Variants in TAS2R1 observed in about 807,000 individuals in gnomAD.
TAS2R1 encodes taste receptor type 2 member 1.
For synonymous variants in TAS2R1, 141 were observed against 134.2 expected (o/e 1.05, Z -0.35); for missense variants, 370 against 353.4 (o/e 1.05, Z -0.38).
At chr5:9,851,985 G>A in the TAS2R1 span, among the ~76,000 whole-genome samples, 1 of 152,100 alleles carries the variant, frequency 6.6e-6, no homozygotes, top group Non-Finnish European at 1.5e-5. Flanking sequence ...ATGGCTCAGA[G>A]ACATTGAAAA....
chr5:9,680,257 G>T (rs894215387), intron 1 of TAS2R1, among the ~76,000 whole-genome samples: 1 of 152,166 alleles, frequency 6.6e-6, no homozygotes, highest in Non-Finnish European at 1.5e-5. Context: ...TAAGTGATTA[G>T]TAATTACATA....
At chr5:9,642,852 T>C (rs1290704589) in intron 2 of TAS2R1, among the ~76,000 whole-genome samples, 12 of 152,210 alleles carry the variant, frequency 7.9e-5, no homozygotes, top group Admixed American at 7.2e-4. Context: ...AGTTGAATCA[T>C]GGGAATAGTC....
the TAS2R1 span, among the ~76,000 whole-genome samples, chr5:9,775,535 G>A: frequency 4.2e-3 from 640 of 152,266 alleles, 5 homozygotes; most frequent in African/African-American, 0.015. Context: ...GAAATGTGCT[G>A]AGTCATATCT....
the TAS2R1 span, among the ~76,000 whole-genome samples, chr5:9,727,898 G>C: frequency 2.0e-5 from 3 of 152,220 alleles, no homozygotes; most frequent in Non-Finnish European, 2.9e-5. Flanking sequence ...CCCAAGCCCA[G>C]TGAGCATGAG....
chr5:9,641,113 T>C (rs1007068282), intron 2 of TAS2R1, among the ~76,000 whole-genome samples: 2 of 152,020 alleles, frequency 1.3e-5, no homozygotes, highest in Non-Finnish European at 2.9e-5. Context: ...AGGATAGCAA[T>C]ACAGTTTTTC....
intron 1 of TAS2R1, among the ~76,000 whole-genome samples, chr5:9,662,998 C>T (rs1740567421): frequency 6.6e-6 from 1 of 151,560 alleles, no homozygotes; most frequent in Non-Finnish European, 1.5e-5. Context: ...TAGGGCTGTT[C>T]TCAAATGGTC....
the TAS2R1 span, among the ~76,000 whole-genome samples, chr5:9,720,817 G>A: frequency 6.6e-6 from 1 of 152,294 alleles, no homozygotes; most frequent in Middle Eastern, 3.4e-3. Flanking sequence ...TCTGCATCTC[G>A]AAGGTTTCCA....
At chr5:9,649,152 T>C (rs1396197442) in intron 2 of TAS2R1, among the ~76,000 whole-genome samples, 1 of 152,176 alleles carries the variant, frequency 6.6e-6, no homozygotes, top group African/African-American at 2.4e-5. Context: ...TACACCCAGA[T>C]CTTTGGCATT....
At chr5:9,723,267 C>A in the TAS2R1 span, among the ~76,000 whole-genome samples, 1 of 152,162 alleles carries the variant, frequency 6.6e-6, no homozygotes, top group Middle Eastern at 3.2e-3. Context: ...CAGCCAAGGT[C>A]TATAGCTAAG....
At chr5:9,657,896 T>G (rs1235262874) in intron 2 of TAS2R1, among the ~76,000 whole-genome samples, 1 of 152,186 alleles carries the variant, frequency 6.6e-6, no homozygotes, top group East Asian at 1.9e-4. Flanking sequence ...ATGTTATGTA[T>G]ATTTTACTGT....
At chr5:9,701,893 C>G (rs1397263723) in intron 1 of TAS2R1, among the ~76,000 whole-genome samples, 1 of 152,012 alleles carries the variant, frequency 6.6e-6, no homozygotes, top group Non-Finnish European at 1.5e-5. Context: ...TTAGAATGAA[C>G]AATTTCTTAA....
the TAS2R1 span, chr5:9,867,229 C>A: frequency 2.6e-5 from 4 of 152,144 alleles, no homozygotes; most frequent in Non-Finnish European, 5.9e-5. Flanking sequence ...TCCTGCTTTC[C>A]TGCTGGGAAT....
the TAS2R1 span, among the ~76,000 whole-genome samples, chr5:9,833,894 A>C: frequency 2.6e-5 from 4 of 152,206 alleles, 1 homozygote; most frequent in Non-Finnish European, 5.9e-5. Context: ...TTATTGCTCT[A>C]AACTTTCCAA....
intron 2 of TAS2R1, among the ~76,000 whole-genome samples, chr5:9,639,070 C>T (rs1269656376): frequency 6.6e-6 from 1 of 152,218 alleles, no homozygotes. Flanking sequence ...TTGGCAGCAG[C>T]TCCTGTGCTT....
the TAS2R1 span, among the ~76,000 whole-genome samples, chr5:9,892,996 C>A: frequency 6.6e-6 from 1 of 152,136 alleles, no homozygotes; most frequent in Admixed American, 6.6e-5. Flanking sequence ...CACAAAAGAA[C>A]CCCTGGAAGC....
the TAS2R1 span, among the ~76,000 whole-genome samples, chr5:9,784,784 C>T: frequency 6.6e-6 from 1 of 152,160 alleles, no homozygotes; most frequent in African/African-American, 2.4e-5. Context: ...CAGCATCACT[C>T]GAAGCCCTGT....
At chr5:9,815,012 C>T in the TAS2R1 span, among the ~76,000 whole-genome samples, 11 of 152,184 alleles carry the variant, frequency 7.2e-5, no homozygotes, top group Admixed American at 3.3e-4. Flanking sequence ...TCGGAGAAAG[C>T]GAGGCAGAAT....
the TAS2R1 span, among the ~76,000 whole-genome samples, chr5:9,725,322 C>T: frequency 2.0e-5 from 3 of 152,200 alleles, no homozygotes; most frequent in Non-Finnish European, 2.9e-5. Flanking sequence ...GAGGCGCGAG[C>T]GGGAACCGGG....
the TAS2R1 span, among the ~76,000 whole-genome samples, chr5:9,739,729 G>A: frequency 6.6e-6 from 1 of 152,170 alleles, no homozygotes; most frequent in Non-Finnish European, 1.5e-5. Context: ...ATGCCCTTCT[G>A]ATGCTCCTTC....
Sources: allele counts gnomAD v4.1 joint callset (sites outside exome capture counted in the v4.1 genomes callset), GRCh38; gene constraint gnomAD v4.1.1; transcripts MANE v1.5; gene names NCBI Gene and HGNC (gene_info 2026-07-23, HGNC 2026-07-21).